Variants in ATP2B2 observed in about 807,000 individuals in gnomAD.
ATP2B2 encodes plasma membrane calcium-transporting ATPase 2.
A neutral mutation model predicts 120.0 loss-of-function variants in ATP2B2; 15 were observed. The ratio of observed to expected loss-of-function variants is 0.12; its 90% CI spans 0.08 to 0.19. ATP2B2 has a LOEUF of 0.19. ATP2B2 is among the 10% of genes least tolerant of loss of function. The pLI is 1.00. For synonymous variants in ATP2B2, 694 were observed against 700.3 expected (o/e 0.99, Z 0.14); for missense variants, 1,045 against 1,719.8 (o/e 0.61, Z 6.94).
intron 1 of ATP2B2, among the ~76,000 whole-genome samples, chr3:10,621,506 CAGG>C (rs1175546831): frequency 6.6e-6 from 1 of 152,232 alleles, no homozygotes; most frequent in Non-Finnish European, 1.5e-5. Context: ...AAACTGAGGT[CAGG>C]AGAAGGGTGG....
At position 10,424,341 on chromosome 3, in the gene ATP2B2, T is replaced by G. The variant is rs2063082303; in HGVS notation, c.200-13526A>C. Reference sequence around the variant, plus strand: ...TGTACTGTCTTCACACCCTATCATGTTGTCTGCTTCAGGATGCAGCACTGA... The same window carrying G: ...TGTACTGTCTTCACACCCTATCATGGTGTCTGCTTCAGGATGCAGCACTGA... On this transcript the variant is annotated intron_variant, in intron 2 of 22. Coordinates refer to ENST00000360273, the MANE Select transcript of ATP2B2 (RefSeq NM_001001331.4). Among the ~76,000 whole-genome samples the G allele has an allele frequency of 2.6e-5, 4 of 152,354 alleles. No homozygotes were observed. In the South Asian group the frequency reaches 8.3e-4, roughly 32 times the overall value.
At chr3:10,523,180 A>G (rs992713895) in intron 3 of ATP2B2, among the ~76,000 whole-genome samples, 7 of 152,224 alleles carry the variant, frequency 4.6e-5, no homozygotes, top group African/African-American at 1.4e-4. Flanking sequence ...TTCCATCCTC[A>G]TCACAAGCTG....
chr3:10,426,449 C>G (rs576451926), intron 2 of ATP2B2, among the ~76,000 whole-genome samples: 1 of 152,224 alleles, frequency 6.6e-6, no homozygotes, highest in South Asian at 2.1e-4. Flanking sequence ...GACTGGGGAG[C>G]TGGAGAGATA....
intron 12 of ATP2B2, among the ~76,000 whole-genome samples, chr3:10,367,456 T>C (rs1223004707): frequency 1.3e-5 from 2 of 151,982 alleles, no homozygotes; most frequent in South Asian, 2.1e-4. Flanking sequence ...AGAAAGACAG[T>C]GGCTGGCATA....
chr3:10,450,632 G>A (rs982830243), intron 1 of ATP2B2, among the ~76,000 whole-genome samples: 6 of 152,200 alleles, frequency 3.9e-5, no homozygotes, highest in African/African-American at 1.4e-4. Context: ...CCAGAGCTTG[G>A]TCCCAGTATG....
chr3:10,379,254 C>A lies in ATP2B2; in HGVS notation c.1031G>T (p.Ser344Ile), dbSNP rs1451248706. The change falls in exon 9 of 23, where the codon AGC becomes ATC. Residue 344 changes from serine to isoleucine, a missense_variant. Coordinates refer to ENST00000360273, the MANE Select transcript of ATP2B2 (RefSeq NM_001001331.4). ...AACAAAAGGGTTACCTTTGCTCTGG[C>A]TGGCGTCCACATTGCCATCCTGCAT... ...GKMQDGNVDA[S>I]QSKAKQQDGA... 6.2e-7 allele frequency: 1 copy of A among 1,614,052 alleles called. No homozygotes were observed. The highest frequency in any genetic ancestry group is 8.5e-7 in the Non-Finnish European group (1 of 1,180,018).
chr3:10,688,285 G>A (rs2125710682), intron 1 of ATP2B2, among the ~76,000 whole-genome samples: 1 of 152,282 alleles, frequency 6.6e-6, no homozygotes, highest in Non-Finnish European at 1.5e-5. Flanking sequence ...AAGTTTGGCT[G>A]CTGTTCTCCA....
intron 1 of ATP2B2, among the ~76,000 whole-genome samples, chr3:10,478,335 T>C (rs565258885): frequency 6.6e-6 from 1 of 152,372 alleles, no homozygotes; most frequent in Admixed American, 6.5e-5. Flanking sequence ...TTGTACTCTG[T>C]TGATAGTATC....
chr3:10,619,085 C>A (rs965181882), intron 2 of ATP2B2, among the ~76,000 whole-genome samples: 4 of 152,178 alleles, frequency 2.6e-5, no homozygotes, highest in Non-Finnish European at 5.9e-5. Context: ...GGAAGTGCCA[C>A]CCAGGAGCCA....
intron 1 of ATP2B2, among the ~76,000 whole-genome samples, chr3:10,704,650 T>A (rs1473523802): frequency 3.9e-5 from 6 of 152,212 alleles, no homozygotes; most frequent in Non-Finnish European, 8.8e-5. Context: ...AAGGCCCCAA[T>A]AGTTAGCTCC....
intron 1 of ATP2B2, among the ~76,000 whole-genome samples, chr3:10,645,233 A>C (rs912803426): frequency 6.6e-6 from 1 of 152,154 alleles, no homozygotes; most frequent in African/African-American, 2.4e-5. Flanking sequence ...AATTATTGCT[A>C]AGTAAAAAGT....
intron 1 of ATP2B2, among the ~76,000 whole-genome samples, chr3:10,679,627 G>T (rs2071333989): frequency 6.6e-6 from 1 of 152,178 alleles, no homozygotes; most frequent in South Asian, 2.1e-4. Flanking sequence ...ATGTGCCCAG[G>T]AATGTTCACT....
chr3:10,416,873 C>T (rs1180461335), intron 2 of ATP2B2, among the ~76,000 whole-genome samples: 3 of 152,106 alleles, frequency 2.0e-5, no homozygotes, highest in Admixed American at 6.5e-5. Flanking sequence ...AGTTGCACAG[C>T]GGCCAGGCAG....
chr3:10,424,554 C>A (rs1362388656), intron 2 of ATP2B2, among the ~76,000 whole-genome samples: 1 of 152,178 alleles, frequency 6.6e-6, no homozygotes, highest in Non-Finnish European at 1.5e-5. Context: ...GTGGGTTCCT[C>A]CATTAGCATA....
intron 3 of ATP2B2, among the ~76,000 whole-genome samples, chr3:10,406,176 G>A (rs1257475317): frequency 6.6e-6 from 1 of 152,190 alleles, no homozygotes; most frequent in Non-Finnish European, 1.5e-5. Context: ...CTTTAAGTTT[G>A]GGGATGCTTT....
At chr3:10,398,213 C>T (rs1179895974) in intron 5 of ATP2B2, among the ~76,000 whole-genome samples, 2 of 152,192 alleles carry the variant, frequency 1.3e-5, no homozygotes, top group African/African-American at 4.8e-5. Context: ...AGAAACCATC[C>T]ACCAGATTAC....
At chr3:10,547,711 GAATA>G (rs2125506363) in intron 2 of ATP2B2, among the ~76,000 whole-genome samples, 1 of 152,296 alleles carries the variant, frequency 6.6e-6, no homozygotes, top group South Asian at 2.1e-4. Context: ...TGAAAGTTCT[GAATA>G]TTAGTCCTCA....
chr3:10,583,694 C>T (rs977426398), intron 2 of ATP2B2, among the ~76,000 whole-genome samples: 6 of 152,184 alleles, frequency 3.9e-5, no homozygotes, highest in Admixed American at 1.3e-4. Context: ...TCCCAATTTA[C>T]AGATGAGGAA....
At chr3:10,637,664 C>T (rs2070060838) in intron 1 of ATP2B2, among the ~76,000 whole-genome samples, 1 of 152,030 alleles carries the variant, frequency 6.6e-6, no homozygotes, top group Non-Finnish European at 1.5e-5. Flanking sequence ...TTTAAGTGGC[C>T]AACCACATAT....
Sources: allele counts gnomAD v4.1 joint callset (sites outside exome capture counted in the v4.1 genomes callset), GRCh38; gene constraint gnomAD v4.1.1; transcripts MANE v1.5; gene names NCBI Gene and HGNC (gene_info 2026-07-23, HGNC 2026-07-21).